The following RBFOX1 variants were observed in gnomAD, a reference collection of about 807,000 sequenced individuals.
RBFOX1 encodes RNA binding fox-1 homolog 1.
In RBFOX1, 8 loss-of-function variants were observed where a neutral mutation model predicts 57.7. The ratio of observed to expected loss-of-function variants is 0.14; its 90% confidence interval spans 0.08 to 0.25. The LOEUF (loss-of-function observed/expected upper bound fraction) is 0.25, where lower values mean the gene tolerates loss of function less well. RBFOX1 is among the 10% of genes least tolerant of loss of function. The pLI is 1.00. For missense variants in RBFOX1, 611 were observed against 548.5 expected, an observed-to-expected ratio of 1.11 and a Z score of -1.14; for synonymous variants, 326 against 222.4, an observed-to-expected ratio of 1.47 and a Z score of -4.15.
At chr16:6,725,038 C>G (rs1454437603) in intron 3 of RBFOX1, among the ~76,000 whole-genome samples, 1 of 134,366 alleles carries the variant, frequency 7.4e-6, no homozygotes, top group African/African-American at 2.7e-5. Context: ...TTGGTTTTGG[C>G]TAGCTTTTTT....
intron 11 of RBFOX1, among the ~76,000 whole-genome samples, chr16:7,638,708 C>T (rs2062209313): frequency 1.3e-5 from 2 of 152,188 alleles, no homozygotes; most frequent in Admixed American, 1.3e-4. Context: ...TGAAAGTAGC[C>T]ATAGACTACT....
chr16:5,500,366 G>T (rs764051059), intron 2 of RBFOX1, among the ~76,000 whole-genome samples: 1 of 151,942 alleles, frequency 6.6e-6, no homozygotes, highest in Non-Finnish European at 1.5e-5. Flanking sequence ...GAGACAACAG[G>T]CATGCAGTAC....
In RBFOX1 at chr16:5,662,592, C is replaced by A. The variant is rs183457512; in HGVS notation, c.318+63631C>A. 4.1e-3 allele frequency among the ~76,000 whole-genome samples: 630 copies of A among 152,198 alleles called. 4 individuals are homozygous for A. The highest frequency in any genetic ancestry group is 0.014 in the African/African-American group (595 of 41,532). ...TTGAGAATTACTGACCTGGAGTTAC[C>A]CCCTACCATTTTTATTTTATGACAA... is the stretch of plus-strand genomic sequence containing the variant. On this transcript the variant is annotated intron_variant, in intron 3 of 19. Transcript: ENST00000641259.
chr16:5,252,726 C>T (rs576160349), intron 1 of RBFOX1, among the ~76,000 whole-genome samples: 3 of 152,324 alleles, frequency 2.0e-5, no homozygotes, highest in East Asian at 1.9e-4. Flanking sequence ...ATCTGGAGCT[C>T]GGCTGCCCAG....
intron 1 of RBFOX1, among the ~76,000 whole-genome samples, chr16:5,303,918 C>T (rs796196609): frequency 2.7e-4 from 41 of 152,138 alleles, no homozygotes; most frequent in African/African-American, 9.6e-4. Context: ...AACAAGGCAC[C>T]GTGGGAGTAC....
intron 3 of RBFOX1, among the ~76,000 whole-genome samples, chr16:6,702,857 C>T (rs2062068102): frequency 6.6e-6 from 1 of 152,138 alleles, no homozygotes; most frequent in African/African-American, 2.4e-5. Flanking sequence ...CGACCATCAC[C>T]ACCATCTGTC....
chr16:6,262,169 C>T (rs1261836160), intron 1 of RBFOX1, among the ~76,000 whole-genome samples: 1 of 152,180 alleles, frequency 6.6e-6, no homozygotes, highest in Non-Finnish European at 1.5e-5. Flanking sequence ...CTCTTGGTTT[C>T]TGCCTTCCCA....
chr16:5,728,392 G>C lies in RBFOX1; in HGVS notation c.318+129431G>C, dbSNP rs74822479. On this transcript the variant is annotated intron_variant, in intron 3 of 19. Coordinates refer to the RBFOX1 transcript ENST00000641259. ...CTAAGCACGGACTCCTGTGTGCAAAGGAATGGTCTTGTGGAAGCATTTGCA... is the reference window on the plus strand; with the variant it reads ...CTAAGCACGGACTCCTGTGTGCAAACGAATGGTCTTGTGGAAGCATTTGCA... Among the ~76,000 whole-genome samples, 827 of 152,294 alleles carry C rather than the reference G, an allele frequency of 5.4e-3. 6 individuals carry two copies. Among genetic ancestry groups the C allele is most frequent in the African/African-American group, 0.019 (801 of 41,558 alleles).
intron 3 of RBFOX1, among the ~76,000 whole-genome samples, chr16:6,916,230 T>A (rs2153444751): frequency 6.6e-6 from 1 of 152,234 alleles, no homozygotes; most frequent in South Asian, 2.1e-4. Context: ...CTGGGACTGA[T>A]CAGAAGTCAA....
chr16:6,637,559 T>TAG (rs367703941), intron 2 of RBFOX1, among the ~76,000 whole-genome samples: 10 of 4,822 alleles, frequency 2.1e-3, no homozygotes, highest in Non-Finnish European at 0.015. Context: ...ATAGTATATA[T>TAG]AATATTCTAT....
chr16:7,369,337 A>G (rs1034707811), intron 4 of RBFOX1, among the ~76,000 whole-genome samples: 2 of 152,092 alleles, frequency 1.3e-5, no homozygotes, highest in Admixed American at 6.6e-5. Flanking sequence ...GCTTTTCTGC[A>G]AAGTGGAGGC....
At position 5,415,401 on chromosome 16, in the gene RBFOX1, C is replaced by T. The variant is rs141241805; in HGVS notation, c.220-51815C>T. ...TGATGCAGTCACTTCCCACCGATTCCCTCCTCTGACACGTGAGGATTACAA... is the reference window on the plus strand; with the variant it reads ...TGATGCAGTCACTTCCCACCGATTCTCTCCTCTGACACGTGAGGATTACAA... On this transcript the variant is annotated intron_variant, in intron 1 of 2. Coordinates refer to the RBFOX1 transcript ENST00000585867. Among the ~76,000 whole-genome samples, 168 of 152,314 alleles carry T rather than the reference C, an allele frequency of 1.1e-3. 1 individual carries two copies. Among genetic ancestry groups the T allele is most frequent in the African/African-American group, 3.8e-3 (158 of 41,566 alleles).
At chr16:7,202,310 A>G (rs1032669201) in intron 4 of RBFOX1, among the ~76,000 whole-genome samples, 1 of 151,954 alleles carries the variant, frequency 6.6e-6, no homozygotes, top group Admixed American at 6.6e-5. Flanking sequence ...AAAAAAAAAA[A>G]AAAAGAAGCA....
intron 1 of RBFOX1, among the ~76,000 whole-genome samples, chr16:6,082,283 C>G (rs1421857131): frequency 1.4e-5 from 2 of 139,796 alleles, no homozygotes; most frequent in East Asian, 4.2e-4. Flanking sequence ...CAGATTCAAG[C>G]GATTCTCCTG....
chr16:5,884,278 G>T (rs766372264), intron 4 of RBFOX1, among the ~76,000 whole-genome samples: 8 of 152,162 alleles, frequency 5.3e-5, no homozygotes, highest in African/African-American at 1.7e-4. Flanking sequence ...CAGTGATACA[G>T]TTGAGAGCTT....
chr16:7,299,131 C>T, intron 4 of RBFOX1, among the ~76,000 whole-genome samples: 1 of 152,188 alleles, frequency 6.6e-6, no homozygotes, highest in East Asian at 1.9e-4. Flanking sequence ...ATATCATCTC[C>T]AGGACTGTAC....
At chr16:5,717,512 T>G (rs2051752464) in intron 3 of RBFOX1, among the ~76,000 whole-genome samples, 1 of 152,012 alleles carries the variant, frequency 6.6e-6, no homozygotes, top group South Asian at 2.1e-4. Flanking sequence ...CCTCCCACCC[T>G]TCACCCTTAG....
chr16:7,561,557 T>A (rs191708859), intron 5 of RBFOX1, among the ~76,000 whole-genome samples: 94 of 152,380 alleles, frequency 6.2e-4, no homozygotes, highest in African/African-American at 2.2e-3. Context: ...ATTCTTTCAC[T>A]GTCAAATTTT....
At chr16:5,505,410 C>G (rs1027182071) in intron 2 of RBFOX1, among the ~76,000 whole-genome samples, 2 of 152,164 alleles carry the variant, frequency 1.3e-5, no homozygotes, top group Admixed American at 1.3e-4. Flanking sequence ...CAGACTCCAG[C>G]TACACATTTT....
Sources: allele counts gnomAD v4.1 joint callset (sites outside exome capture counted in the v4.1 genomes callset), GRCh38; gene constraint gnomAD v4.1.1; transcripts MANE v1.5; gene names NCBI Gene and HGNC (gene_info 2026-07-23, HGNC 2026-07-21).